Variants in SRGAP3 observed in about 807,000 individuals in gnomAD.
SRGAP3 encodes SLIT-ROBO Rho GTPase-activating protein 3.
SRGAP3 carries 39 observed loss-of-function variants against 121.1 expected under a neutral mutation model. The observed-to-expected ratio is 0.32, with a 90% confidence interval of 0.25 to 0.42. SRGAP3 has a LOEUF of 0.42. SRGAP3 is among the 10% of genes least tolerant of loss of function. The pLI is 1.00. For missense variants in SRGAP3, 1,213 were observed against 1,470.6 expected, an observed-to-expected ratio of 0.82 and a Z score of 2.86; for synonymous variants, 601 against 570.0, an observed-to-expected ratio of 1.05 and a Z score of -0.77.
At chr3:9,150,244 G>A (rs1189274478) in intron 1 of SRGAP3, among the ~76,000 whole-genome samples, 1 of 151,676 alleles carries the variant, frequency 6.6e-6, no homozygotes, top group Non-Finnish European at 1.5e-5. Context: ...GCTATGGGGT[G>A]AGGAGAGGAG....
chr3:9,053,564 T>C (rs1458081488), intron 8 of SRGAP3, among the ~76,000 whole-genome samples: 1 of 152,174 alleles, frequency 6.6e-6, no homozygotes, highest in East Asian at 1.9e-4. Flanking sequence ...TCAAAACAAG[T>C]TCCTCCAATG....
chr3:8,997,209 A>G (rs1942458916), intron 18 of SRGAP3, among the ~76,000 whole-genome samples: 1 of 152,114 alleles, frequency 6.6e-6, no homozygotes, highest in East Asian at 1.9e-4. Flanking sequence ...TCTGTTACCC[A>G]AGCTTACTTC....
At position 9,239,666 on chromosome 3, in the gene SRGAP3, C is replaced by T. The variant is rs964688048; in HGVS notation, c.67+9219G>A. 2.6e-5 allele frequency among the ~76,000 whole-genome samples: 4 copies of T among 152,200 alleles called. No homozygotes were observed. Among genetic ancestry groups the T allele is most frequent in the African/African-American group, 9.7e-5 (4 of 41,448 alleles). On this transcript the variant is annotated intron_variant, in intron 1 of 21. Coordinates refer to ENST00000383836, the MANE Select transcript of SRGAP3 (RefSeq NM_014850.4). The surrounding 1 kb of genome is among the most constrained non-coding windows in gnomAD (Gnocchi z 4.0). ...CACACGCAATGCATATTGATTAGGG[C>T]TGCACTGTTTCCAAATTACCATTTA... is the stretch of plus-strand genomic sequence containing the variant.
intron 1 of SRGAP3, among the ~76,000 whole-genome samples, chr3:9,211,516 T>C (rs1952445210): frequency 6.6e-6 from 1 of 152,188 alleles, no homozygotes; most frequent in Non-Finnish European, 1.5e-5. Flanking sequence ...TCACAGTTTA[T>C]AATGCAATTT....
chr3:9,074,262 C>G (rs1255466256), intron 4 of SRGAP3, among the ~76,000 whole-genome samples: 2 of 152,128 alleles, frequency 1.3e-5, no homozygotes, highest in Admixed American at 6.5e-5. Context: ...CTCATTCTTT[C>G]ATAAAAGACA....
chr3:9,101,587 GC>G (rs1030472972), intron 3 of SRGAP3, among the ~76,000 whole-genome samples: 1 of 152,180 alleles, frequency 6.6e-6, no homozygotes, highest in African/African-American at 2.4e-5. Context: ...CTGTAAAAGA[GC>G]CCCTCGCCTC....
chr3:9,145,801 G>A (rs1950003021), intron 1 of SRGAP3, among the ~76,000 whole-genome samples: 1 of 152,212 alleles, frequency 6.6e-6, no homozygotes, highest in Admixed American at 6.5e-5. Flanking sequence ...ATGCATGCCT[G>A]GCCTCAAAGG....
intron 3 of SRGAP3, among the ~76,000 whole-genome samples, chr3:9,270,699 G>A (rs865923719): frequency 1.3e-5 from 2 of 152,094 alleles, no homozygotes; most frequent in African/African-American, 4.8e-5. Context: ...GAGTACAGAT[G>A]GATATTGACC....
chr3:9,052,993 G>A lies in SRGAP3; in HGVS notation c.1323+34C>T, dbSNP rs372017266. The stretch of plus-strand genomic sequence containing the variant: ...AAAAGTCACTGCCAGTGGCTTGGCC[G>A]ACAGTGTGGTTCTGGGCCCAGGATG... On this transcript the variant is annotated intron_variant, in intron 9 of 21. Transcript: ENST00000383836. 81 of 1,607,806 alleles carry A rather than the reference G, an allele frequency of 5.0e-5. No individual in the cohort carries two copies. The Middle Eastern group carries it at 8.1e-4, about 16-fold the overall frequency.
chr3:9,036,568 CAAAACAAAACAA>C (rs1421041247), intron 11 of SRGAP3: 1 of 116,662 alleles, frequency 8.6e-6, no homozygotes, highest in Non-Finnish European at 1.8e-5. Flanking sequence ...AAACACAAAA[CAAAACAAAACAA>C]AACAAAACAA....
intron 5 of SRGAP3, among the ~76,000 whole-genome samples, chr3:9,060,638 C>A (rs1946111845): frequency 6.6e-6 from 1 of 152,046 alleles, no homozygotes; most frequent in African/African-American, 2.4e-5. Context: ...TGGGGTCTCA[C>A]TATGTTGCCC....
chr3:9,317,445 T>C (rs1574999369), intron 3 of SRGAP3, among the ~76,000 whole-genome samples: 1 of 152,322 alleles, frequency 6.6e-6, no homozygotes, highest in East Asian at 1.9e-4. Context: ...TCTCACTGTT[T>C]TCCTTCCAGA....
At chr3:9,310,996 C>T (rs1313781038) in intron 3 of SRGAP3, among the ~76,000 whole-genome samples, 2 of 151,832 alleles carry the variant, frequency 1.3e-5, no homozygotes, top group Non-Finnish European at 2.9e-5. Flanking sequence ...ATAGTGAAAC[C>T]CCATCTCTAC....
At chr3:9,156,161 C>G (rs981265002) in intron 1 of SRGAP3, among the ~76,000 whole-genome samples, 3 of 152,190 alleles carry the variant, frequency 2.0e-5, no homozygotes, top group Non-Finnish European at 4.4e-5. Flanking sequence ...AGTATACAGG[C>G]TTTGAAGTCA....
chr3:9,359,072 A>T (rs926848538), intron 1 of SRGAP3, among the ~76,000 whole-genome samples: 5 of 152,208 alleles, frequency 3.3e-5, no homozygotes, highest in African/African-American at 1.2e-4. Context: ...AAAACAGATT[A>T]TGGTGGGGGG....
At chr3:9,254,953 A>AAGAG (rs369427141) in intron 3 of SRGAP3, among the ~76,000 whole-genome samples, 3 of 151,496 alleles carry the variant, frequency 2.0e-5, no homozygotes, top group Non-Finnish European at 4.4e-5. Flanking sequence ...GAAAGAAAGA[A>AAGAG]AGAGAAAAGA....
intron 3 of SRGAP3, among the ~76,000 whole-genome samples, chr3:9,267,640 T>C (rs555135461): frequency 1.3e-5 from 2 of 152,264 alleles, no homozygotes; most frequent in East Asian, 3.9e-4. Flanking sequence ...ATTTCCCAGG[T>C]CACACCTCTG....
At chr3:9,301,693 T>C (rs1006052668) in intron 3 of SRGAP3, among the ~76,000 whole-genome samples, 10 of 152,308 alleles carry the variant, frequency 6.6e-5, no homozygotes, top group East Asian at 1.9e-4. Context: ...TATTGAGTAG[T>C]AGTAAAAAGC....
intron 3 of SRGAP3, among the ~76,000 whole-genome samples, chr3:9,305,653 T>G (rs542139875): frequency 7.3e-4 from 111 of 152,124 alleles, no homozygotes; most frequent in African/African-American, 2.5e-3. Context: ...AGTGAGAACA[T>G]GCAGTGTTTG....
Sources: allele counts gnomAD v4.1 joint callset (sites outside exome capture counted in the v4.1 genomes callset), GRCh38; gene constraint gnomAD v4.1.1; non-coding constraint Gnocchi (gnomAD v3.1); transcripts MANE v1.5; gene names NCBI Gene and HGNC (gene_info 2026-07-23, HGNC 2026-07-21).